WDFY3: variants seen among roughly 807,000 people sequenced by gnomAD.
WDFY3 encodes the protein WD repeat and FYVE domain-containing protein 3.
WDFY3 carries 66 observed loss-of-function variants against 409.6 expected under a neutral mutation model. The ratio of observed to expected loss-of-function variants is 0.16; its 90% CI spans 0.13 to 0.20. The LOEUF (loss-of-function observed/expected upper bound fraction) is 0.20, where lower values mean the gene tolerates loss of function less well. Ranked by LOEUF, WDFY3 falls within the 10% of genes least tolerant of loss-of-function variation. The probability of loss-of-function intolerance (pLI) is 1.00; values close to 1 mark genes in which losing one functional copy is unlikely to be tolerated. For missense variants in WDFY3, 3,031 were observed against 4,298.1 expected, an observed-to-expected ratio of 0.71 and a Z score of 8.24; for synonymous variants, 1,521 against 1,537.1, an observed-to-expected ratio of 0.99 and a Z score of 0.25.
chr4:84,935,999 C>T (rs1285453448), intron 1 of WDFY3, among the ~76,000 whole-genome samples: 1 of 152,084 alleles, frequency 6.6e-6, no homozygotes, highest in Non-Finnish European at 1.5e-5. Flanking sequence ...GCTTTCCTTG[C>T]CTCCAATTTA....
chr4:84,673,050 C>T (rs375695961), intron 67 of WDFY3, 59 bp from the exon 68 acceptor site: 13 of 1,602,076 alleles, frequency 8.1e-6, no homozygotes, highest in Admixed American at 1.7e-5. Context: ...TCATGGGCAC[C>T]GGAAACATTA....
chr4:84,913,663 T>C (rs1768075450), intron 2 of WDFY3, among the ~76,000 whole-genome samples: 1 of 152,016 alleles, frequency 6.6e-6, no homozygotes, highest in African/African-American at 2.4e-5. Context: ...AGACTTCTTT[T>C]ATGACATGGA....
At chr4:84,919,161 T>C (rs1474779418) in intron 2 of WDFY3, among the ~76,000 whole-genome samples, 1 of 152,104 alleles carries the variant, frequency 6.6e-6, no homozygotes, top group Admixed American at 6.6e-5. Flanking sequence ...TGGAACAATT[T>C]TAGCTCCAAA....
chr4:84,809,315 T>G (rs1752083153), intron 14 of WDFY3: 1 of 152,590 alleles, frequency 6.6e-6, no homozygotes, highest in Non-Finnish European at 1.5e-5. Flanking sequence ...TGTGTAGAGC[T>G]GAATCCTCAA....
At chr4:84,818,782 C>T (rs1409877275) in intron 12 of WDFY3, among the ~76,000 whole-genome samples, 2 of 152,014 alleles carry the variant, frequency 1.3e-5, no homozygotes, top group African/African-American at 4.8e-5. Flanking sequence ...CTAGTAACAT[C>T]TTTCATACTG....
intron 32 of WDFY3, among the ~76,000 whole-genome samples, chr4:84,759,186 T>A (rs555100332): frequency 6.6e-6 from 1 of 152,284 alleles, no homozygotes; most frequent in East Asian, 1.9e-4. Context: ...CACCAGTACC[T>A]TGCTGTTTTG....
At chr4:84,927,645 T>C (rs1191611336) in intron 2 of WDFY3, among the ~76,000 whole-genome samples, 3 of 152,066 alleles carry the variant, frequency 2.0e-5, no homozygotes, top group East Asian at 1.9e-4. Flanking sequence ...CATGCTGTTG[T>C]TGTGATAATG....
intron 29 of WDFY3, among the ~76,000 whole-genome samples, chr4:84,774,463 G>A (rs1307713523): frequency 2.0e-5 from 3 of 152,234 alleles, no homozygotes; most frequent in African/African-American, 7.2e-5. Flanking sequence ...CTATTTAGGA[G>A]TGTGTATGCG....
intron 32 of WDFY3, among the ~76,000 whole-genome samples, chr4:84,760,029 G>C (rs1742246401): frequency 6.6e-6 from 1 of 151,890 alleles, no homozygotes; most frequent in Admixed American, 6.6e-5. Flanking sequence ...GTTGAATTTT[G>C]TCAAAGGCTT....
chr4:84,674,027 A>G (rs1560503664), intron 67 of WDFY3, among the ~76,000 whole-genome samples: 2 of 152,172 alleles, frequency 1.3e-5, no homozygotes, highest in Non-Finnish European at 1.5e-5. Context: ...GACCTCTCAG[A>G]TCCCTCAAGA....
At chr4:84,707,223 C>T (rs1732118471) in intron 53 of WDFY3, among the ~76,000 whole-genome samples, 1 of 152,104 alleles carries the variant, frequency 6.6e-6, no homozygotes, top group South Asian at 2.1e-4. Flanking sequence ...AGCCACAGCA[C>T]CTGGTCACTG....
Position 84,672,886 on chromosome 4 carries a change from A to G in WDFY3, c.10563T>C (p.Asp3521=). The change falls in exon 68 of 68, where the codon GAT becomes GAC. Residue 3521 remains aspartate, a synonymous_variant. Transcript: ENST00000295888. ...YNLQHERGSE[D]GPRNC ...TGAATCTTCAACAATTTCGAGGCCC[A>G]TCTTCTGAACCTCTCTCATGCTGTA... The G allele has an allele frequency of 6.2e-7, 1 of 1,614,128 alleles. No homozygotes were observed. The highest frequency in any genetic ancestry group is 8.5e-7 in the Non-Finnish European group (1 of 1,179,986).
intron 35 of WDFY3, among the ~76,000 whole-genome samples, chr4:84,752,586 C>CT (rs890783706): frequency 3.1e-4 from 45 of 146,350 alleles, no homozygotes; most frequent in East Asian, 1.4e-3. Context: ...TATTGAAGGT[C>CT]TTTTTTTTTT....
At chr4:84,783,900 A>AC in intron 24 of WDFY3, among the ~76,000 whole-genome samples, 1 of 130,888 alleles carries the variant, frequency 7.6e-6, no homozygotes, top group Non-Finnish European at 1.6e-5. Flanking sequence ...CACACACACA[A>AC]AAGCTCTGCG....
At chr4:84,763,684 T>TA (rs1221509222) in intron 32 of WDFY3, among the ~76,000 whole-genome samples, 1 of 152,090 alleles carries the variant, frequency 6.6e-6, no homozygotes, top group Non-Finnish European at 1.5e-5. Flanking sequence ...CTTGTTTACA[T>TA]ACACAAAAAT....
intron 4 of WDFY3, among the ~76,000 whole-genome samples, chr4:84,851,918 A>ACAAC (rs1759079698): frequency 6.6e-6 from 1 of 151,574 alleles, no homozygotes; most frequent in South Asian, 2.1e-4. Context: ...ACTGGCAACA[A>ACAAC]TAATAATAAA....
chr4:84,844,085 A>G lies in WDFY3; in HGVS notation c.305-2822T>C, dbSNP rs546803423. 4.6e-5 allele frequency among the ~76,000 whole-genome samples: 7 copies of G among 152,344 alleles called. No individual in the cohort carries two copies. In the East Asian group the frequency reaches 1.3e-3, roughly 29 times the overall value. On this transcript the variant is annotated intron_variant, in intron 5 of 67. Coordinates refer to ENST00000295888, the MANE Select transcript of WDFY3 (RefSeq NM_014991.6). ...TGAAGTTAATAAAGCCCAGGATTTC[A>G]TTAAATAAGTAAAGAATGCGGACAA...
At chr4:84,759,827 C>G (rs1209085183) in intron 32 of WDFY3, among the ~76,000 whole-genome samples, 5 of 150,626 alleles carry the variant, frequency 3.3e-5, no homozygotes, top group African/African-American at 1.2e-4. Flanking sequence ...CTGGCCAGAA[C>G]TTCCAACACT....
chr4:84,809,758 C>A, intron 14 of WDFY3, 129 bp downstream of exon 14: 4 of 793,588 alleles, frequency 5.0e-6, no homozygotes, highest in East Asian at 2.9e-5. Flanking sequence ...TAAAGTGATA[C>A]ACTTCAAACA....
Sources: allele counts gnomAD v4.1 joint callset (sites outside exome capture counted in the v4.1 genomes callset), GRCh38; gene constraint gnomAD v4.1.1; transcripts MANE v1.5; gene names NCBI Gene and HGNC (gene_info 2026-07-23, HGNC 2026-07-21).